Variants in ATG2A observed in about 807,000 individuals in gnomAD.
ATG2A encodes the protein autophagy-related protein 2 homolog A.
In ATG2A, 103 loss-of-function variants were observed where a neutral mutation model predicts 214.2. The observed-to-expected ratio is 0.48, with a 90% CI of 0.41 to 0.57. The LOEUF is 0.57. Ranked by LOEUF, ATG2A falls within the 20% of genes least tolerant of loss-of-function variation. The probability of loss-of-function intolerance (pLI) is 0.00; values close to 1 mark genes in which losing one functional copy is unlikely to be tolerated. For synonymous variants in ATG2A, 1,160 were observed against 1,142.1 expected (o/e 1.02, Z -0.32); for missense variants, 2,312 against 2,613.2 (o/e 0.88, Z 2.51).
At chr11:64,899,832 G>T (rs1944287563) in intron 31 of ATG2A, among the ~76,000 whole-genome samples, 2 of 151,648 alleles carry the variant, frequency 1.3e-5, no homozygotes, top group Non-Finnish European at 2.9e-5. Context: ...GCTGCTCCTG[G>T]AAATGTCAGG....
At position 64,907,843 on chromosome 11, in the gene ATG2A, C is replaced by T. The variant is rs1381740622; in HGVS notation, c.2412G>A (p.Arg804=). The change falls in exon 17 of 41, where the codon CGG becomes CGA. Residue 804 remains arginine (R), a synonymous_variant. Coordinates refer to ENST00000377264, the MANE Select transcript of ATG2A (RefSeq NM_015104.3). Reference sequence around the variant, plus strand: ...GGCTGCAGCGGGACAGTGCCAGGGTCCGGCTCTGGAACGTCCTCATCTCCT... The same window carrying T: ...GGCTGCAGCGGGACAGTGCCAGGGTTCGGCTCTGGAACGTCCTCATCTCCT... ...DPEEMRTFQS[R]TLALSRCSLE... 1 of 1,613,278 alleles carries T rather than the reference C, an allele frequency of 6.2e-7. No individual in the cohort carries two copies. The highest frequency in any genetic ancestry group is 1.7e-5 in the Admixed American group (1 of 59,966).
At chr11:64,904,424 TGTC>T (rs1944465792) in intron 24 of ATG2A, among the ~76,000 whole-genome samples, 1 of 147,288 alleles carries the variant, frequency 6.8e-6, no homozygotes, top group Non-Finnish European at 1.5e-5. Flanking sequence ...GGGTGCCTGT[TGTC>T]CCAGCTACTT....
At chr11:64,899,278 A>G (rs1944269381) in intron 31 of ATG2A, among the ~76,000 whole-genome samples, 2 of 152,118 alleles carry the variant, frequency 1.3e-5, no homozygotes, top group African/African-American at 4.8e-5. Context: ...CTTGCTTCCC[A>G]TGCCAGCTGC....
In ATG2A at chr11:64,897,656, G is replaced by T; in HGVS notation, c.5067+15C>A. ...CTGACCCCACATGGCCACCCCATCC[G>T]ACCGCCCCACTTACCACCTGGTCCA... On this transcript the variant is annotated intron_variant, in intron 36 of 40. Transcript: ENST00000377264. 4 of 1,614,116 alleles carry T rather than the reference G, an allele frequency of 2.5e-6. No individual in the cohort carries two copies. The South Asian group carries it at 4.4e-5, about 18-fold the overall frequency.
At chr11:64,908,024 C>A in intron 16 of ATG2A, 134 bp from the exon 17 acceptor site, 1 of 1,077,120 alleles carries the variant, frequency 9.3e-7, no homozygotes, top group Non-Finnish European at 1.3e-6. Flanking sequence ...ACTGGGGATG[C>A]ATGATAGCCG....
intron 31 of ATG2A, among the ~76,000 whole-genome samples, chr11:64,900,140 A>G (rs1944302159): frequency 6.7e-6 from 1 of 150,106 alleles, no homozygotes; most frequent in Admixed American, 6.7e-5. Flanking sequence ...TGCTGGGATT[A>G]CAGGCATAAG....
rs927013528 is a variant in ATG2A at position 64,901,874 on chromosome 11, T to C, written c.4119+88A>G. On this transcript the variant is annotated intron_variant, in intron 29 of 40. Transcript: ENST00000377264. The stretch of plus-strand genomic sequence containing the variant: ...CTTCTCTCACCACGGGAGCTCCAGA[T>C]GGCCAGGCAACCACCCCTGAGTGTT... The C allele has an allele frequency of 2.4e-5, 36 of 1,470,262 alleles. No individual in the cohort carries two copies. In the African/African-American group the frequency reaches 4.8e-4, roughly 20 times the overall value. The allele number at this position is 1,470,262 out of a possible 1,614,324, so 91.1% of individuals were successfully genotyped here.
rs149940405 is a variant in ATG2A, at chr11:64,915,791, T to C, written c.171+1174A>G. On this transcript the variant is annotated intron_variant, in intron 1 of 40. Coordinates refer to ENST00000377264, the MANE Select transcript of ATG2A (RefSeq NM_015104.3). ...GGGTTCAAGGCTAGCCTGGGCAACA[T>C]AGCGAAATCCTGTCTCTATAAAAAT... is the stretch of plus-strand genomic sequence containing the variant. Among the ~76,000 whole-genome samples the C allele has an allele frequency of 2.0e-3, 302 of 152,124 alleles. 5 individuals are homozygous for C. The highest frequency in any genetic ancestry group is 6.7e-3 in the African/African-American group (278 of 41,496).
chr11:64,903,870 G>A lies in ATG2A; in HGVS notation c.3465-210C>T, dbSNP rs763736424. ...CAGCTCTCAAAGTGCCTGCAGTTCC[G>A]ACACCTCAATGGGGCCTCATGACAG... On this transcript the variant is annotated intron_variant, in intron 24 of 40. Transcript: ENST00000377264. The surrounding 1 kb of genome is among the most constrained non-coding windows in gnomAD (Gnocchi z 4.2). 1.4e-4 allele frequency among the ~76,000 whole-genome samples: 21 copies of A among 152,240 alleles called. No homozygotes were observed. The highest frequency in any genetic ancestry group is 2.4e-4 in the Non-Finnish European group (16 of 68,040).
intron 24 of ATG2A, among the ~76,000 whole-genome samples, chr11:64,904,114 C>T (rs544766620): frequency 6.6e-6 from 1 of 151,682 alleles, no homozygotes; most frequent in Non-Finnish European, 1.5e-5. Context: ...AGCATGGTGG[C>T]GGGTGCCTGT....
At chr11:64,896,403 GGTGCAGAGGGCTCCAGCTGCTCT>G (rs1944152024) in intron 39 of ATG2A, 36 bp downstream of exon 39, 2 of 1,539,290 alleles carry the variant, frequency 1.3e-6, no homozygotes, top group Admixed American at 2.0e-5. Flanking sequence ...AGGGAGCTGT[GGTGCAGAGGGCTCCAGCTGCTCT>G]GTCCTGCACA....
Position 64,907,819 on chromosome 11 carries a change from G to C in ATG2A, c.2436C>G (p.Ser812Arg). The C allele has an allele frequency of 1.9e-6, 3 of 1,613,466 alleles. No individual in the cohort carries two copies. Among genetic ancestry groups the C allele is most frequent in the Non-Finnish European group, 2.5e-6 (3 of 1,179,988 alleles). The change falls in exon 17 of 41, where the codon AGC becomes AGG. Residue 812 changes from serine to arginine, a missense_variant. Transcript: ENST00000377264. ...GGACACTGGGCAGGATCACTTCCAG[G>C]CTGCAGCGGGACAGTGCCAGGGTCC... ...QSRTLALSRC[S>R]LEVILPSVHI...
In ATG2A at chr11:64,901,008, T is replaced by G. The variant is rs746764340; in HGVS notation, c.4204A>C (p.Ser1402Arg). The G allele has an allele frequency of 3.1e-6, 5 of 1,590,074 alleles. No homozygotes were observed. In the African/African-American group the frequency reaches 6.7e-5, roughly 21 times the overall value. ...RDGYFSRPIG[S>R]TDLLRAPAHF... ...GCAGGTGCCCGCAGCAAGTCCGTGC[T>G]GCCGATCGGCCGTGAGAAGTAACCG... Residue 1402 changes from serine (S) to arginine (R), a missense_variant, in exon 30 of 41, where the codon AGC becomes CGC. By Grantham distance (110) the Ser-to-Arg change is moderately radical. Coordinates refer to ENST00000377264, the MANE Select transcript of ATG2A (RefSeq NM_015104.3).
At chr11:64,904,094 A>G (rs1054970934) in intron 24 of ATG2A, among the ~76,000 whole-genome samples, 3 of 151,862 alleles carry the variant, frequency 2.0e-5, no homozygotes, top group Non-Finnish European at 2.9e-5. Context: ...AAAAATACAA[A>G]TATTAGCCGA....
chr11:64,897,373 C>T, intron 37 of ATG2A, 39 bp downstream of exon 37: 2 of 1,549,572 alleles, frequency 1.3e-6, no homozygotes, highest in South Asian at 1.2e-5. Flanking sequence ...GAAGGAAGAT[C>T]AGGGACCCTG....
In ATG2A at chr11:64,907,531, T is replaced by C. The variant is rs375753326; in HGVS notation, c.2641A>G (p.Lys881Glu). The change falls in exon 18 of 41, where the codon AAG becomes GAG. Residue 881 changes from lysine to glutamate, a missense_variant. Transcript: ENST00000377264. ...GCGTTAGCACCTCTCATACCCAGCT[T>C]GAAGGCTGACTTGCACATCTTAAAG... Reference protein sequence around the residue: ...DSFKMCKSAFKLANCFDLTPD... With the variant: ...DSFKMCKSAFELANCFDLTPD... 1 of 1,610,984 alleles carries C rather than the reference T, an allele frequency of 6.2e-7. No individual in the cohort carries two copies. The highest frequency in any genetic ancestry group is 1.3e-5 in the African/African-American group (1 of 74,436).
chr11:64,910,839 G>A lies in ATG2A; in HGVS notation c.1582C>T (p.Pro528Ser), dbSNP rs1190003322. 1.9e-6 allele frequency: 3 copies of A among 1,609,154 alleles called. No homozygotes were observed. Among genetic ancestry groups the A allele is most frequent in the Non-Finnish European group, 2.5e-6 (3 of 1,178,240 alleles). Residue 528 changes from proline to serine, a missense_variant, in exon 11 of 41, where the codon CCC (proline) becomes TCC (serine). Coordinates refer to ENST00000377264, the MANE Select transcript of ATG2A (RefSeq NM_015104.3). ...GQLEVLECLW[P>S]RGTSEPEYTE... ...TACTCAGGCTCAGAGGTGCCCCGGGGCCACAGACACTCCAGCACCTCCAGC... is the reference window on the plus strand; with the variant it reads ...TACTCAGGCTCAGAGGTGCCCCGGGACCACAGACACTCCAGCACCTCCAGC...
chr11:64,898,267 C>G lies in ATG2A; in HGVS notation c.4767G>C (p.Val1589=). Residue 1589 remains valine (V), a synonymous_variant, in exon 33 of 41, where the codon GTG becomes GTC. Coordinates refer to ENST00000377264, the MANE Select transcript of ATG2A (RefSeq NM_015104.3). The surrounding 1 kb of genome is among the most constrained non-coding windows in gnomAD (Gnocchi z 4.5). ...RVSLMPLRLN[V]DQDALFFLKD... ...CCTCACGTAGACCACTCACCTGGTC[C>G]ACATTGAGCCGCAGGGGCATCAGCG... is the stretch of plus-strand genomic sequence containing the variant. 1 of 1,613,736 alleles carries G rather than the reference C, an allele frequency of 6.2e-7. No individual in the cohort carries two copies. The highest frequency in any genetic ancestry group is 8.5e-7 in the Non-Finnish European group (1 of 1,179,822).
At chr11:64,912,876 A>C in intron 6 of ATG2A, 162 bp downstream of exon 6, 2 of 628,054 alleles carry the variant, frequency 3.2e-6, no homozygotes, top group Non-Finnish European at 5.4e-6. Flanking sequence ...TACAGGTGTG[A>C]ACCCTGTGCC....
Sources: allele counts gnomAD v4.1 joint callset (sites outside exome capture counted in the v4.1 genomes callset), GRCh38; gene constraint gnomAD v4.1.1; non-coding constraint Gnocchi (gnomAD v3.1); transcripts MANE v1.5; gene names NCBI Gene and HGNC (gene_info 2026-07-23, HGNC 2026-07-21).